Variants in SRGAP3 observed in about 807,000 individuals in gnomAD.
The protein encoded by SRGAP3 is SLIT-ROBO Rho GTPase activating protein 3, also known as SLIT-ROBO Rho GTPase-activating protein 3.
A neutral mutation model predicts 121.1 loss-of-function variants in SRGAP3; 39 were observed. The observed-to-expected ratio is 0.32, with a 90% CI of 0.25 to 0.42. The LOEUF is 0.42. Among genes scored for constraint, SRGAP3 ranks in the 10% least tolerant of loss-of-function variants. The pLI is 1.00. For synonymous variants in SRGAP3, 601 were observed against 570.0 expected (o/e 1.05, Z -0.77); for missense variants, 1,213 against 1,470.6 (o/e 0.82, Z 2.86).
intron 1 of SRGAP3, among the ~76,000 whole-genome samples, chr3:9,208,871 C>A (rs934920065): frequency 3.3e-5 from 5 of 152,204 alleles, no homozygotes; most frequent in Non-Finnish European, 5.9e-5. Flanking sequence ...AGCGTTATTG[C>A]AAGCATTAAC....
chr3:9,057,040 C>A (rs993088540), intron 7 of SRGAP3, among the ~76,000 whole-genome samples: 1 of 152,162 alleles, frequency 6.6e-6, no homozygotes, highest in South Asian at 2.1e-4. Context: ...TGCCACCATG[C>A]CCAGCTATTT....
intron 6 of SRGAP3, 198 bp downstream of exon 6, chr3:9,060,033 C>T (rs1056747307): frequency 3.0e-5 from 25 of 825,428 alleles, no homozygotes; most frequent in Non-Finnish European, 4.4e-5. Flanking sequence ...ATGTCCCACT[C>T]GTGAAAATAG....
intron 1 of SRGAP3, among the ~76,000 whole-genome samples, chr3:9,247,495 C>A (rs925607252): frequency 6.6e-6 from 1 of 152,142 alleles, no homozygotes; most frequent in African/African-American, 2.4e-5. Flanking sequence ...ATCCCTCCCC[C>A]CGTGGCTGCT....
intron 1 of SRGAP3, among the ~76,000 whole-genome samples, chr3:9,217,150 G>C (rs923915553): frequency 6.6e-6 from 1 of 152,100 alleles, no homozygotes; most frequent in Non-Finnish European, 1.5e-5. Context: ...AAACGGTTAA[G>C]ATAGTAAATT....
At chr3:9,254,772 A>G (rs1314456467) in intron 3 of SRGAP3, among the ~76,000 whole-genome samples, 2 of 145,966 alleles carry the variant, frequency 1.4e-5, no homozygotes, top group East Asian at 4.5e-4. Flanking sequence ...ACTGCACTCC[A>G]GCCTGGGCAA....
intron 1 of SRGAP3, among the ~76,000 whole-genome samples, chr3:9,354,681 C>CAAAAAAAAAA (rs34026081): frequency 1.4e-5 from 1 of 70,816 alleles, no homozygotes; most frequent in Non-Finnish European, 3.2e-5. Flanking sequence ...GACTCCATCT[C>CAAAAAAAAAA]AAAAAAAAAA....
chr3:9,021,827 C>T (rs535326311), intron 14 of SRGAP3, among the ~76,000 whole-genome samples: 3 of 152,220 alleles, frequency 2.0e-5, no homozygotes, highest in Non-Finnish European at 2.9e-5. Flanking sequence ...CAGTGGCTCA[C>T]GCCTGGAATC....
upstream of SRGAP3, among the ~76,000 whole-genome samples, chr3:9,253,000 G>A (rs1456842135): frequency 6.6e-6 from 1 of 152,162 alleles, no homozygotes; most frequent in Non-Finnish European, 1.5e-5. Context: ...TATACTGATA[G>A]CTAGTATTTA....
chr3:9,012,900 G>C (rs113852583), intron 17 of SRGAP3, among the ~76,000 whole-genome samples: 123 of 152,040 alleles, frequency 8.1e-4, no homozygotes, highest in African/African-American at 2.9e-3. Flanking sequence ...TTGAGTTGCT[G>C]GTTGCCTGCT....
At chr3:9,255,033 G>GA (rs1954102185) in intron 3 of SRGAP3, among the ~76,000 whole-genome samples, 1 of 102,444 alleles carries the variant, frequency 9.8e-6, no homozygotes, top group African/African-American at 3.3e-5. Context: ...AGAAAGAAAG[G>GA]AAGAAAGAAA....
intron 1 of SRGAP3, chr3:9,337,500 T>C (rs1196391313): frequency 6.6e-6 from 1 of 152,148 alleles, no homozygotes; most frequent in Non-Finnish European, 1.5e-5. Flanking sequence ...CCCTCATGAA[T>C]AGATTAATGC....
intron 1 of SRGAP3, among the ~76,000 whole-genome samples, chr3:9,203,402 A>G (rs574254838): frequency 6.6e-6 from 1 of 152,372 alleles, no homozygotes; most frequent in South Asian, 2.1e-4. Flanking sequence ...TGGGACAGTT[A>G]TCCTGAGAGT....
chr3:9,080,040 G>C lies in SRGAP3; in HGVS notation c.471C>G (p.Thr157=). ...CAGAACTTACTGTGTAGAGCTCATT[G>C]GTCACCTTCAGGAGCTCCTCGTGCA... ...LQMHEELLKV[T]NELYTVMKTY... Residue 157 remains threonine, a synonymous_variant, in exon 4 of 22, where the codon ACC becomes ACG. Coordinates refer to ENST00000383836, the MANE Select transcript of SRGAP3 (RefSeq NM_014850.4). 6.2e-7 allele frequency: 1 copy of C among 1,614,158 alleles called. No homozygotes were observed. Among genetic ancestry groups the C allele is most frequent in the Non-Finnish European group, 8.5e-7 (1 of 1,180,026 alleles).
intron 1 of SRGAP3, among the ~76,000 whole-genome samples, chr3:9,152,269 T>C (rs772364449): frequency 2.0e-5 from 3 of 152,204 alleles, no homozygotes; most frequent in Non-Finnish European, 2.9e-5. Context: ...TAGCCAGCCA[T>C]GTTGGCATAA....
At chr3:9,205,894 T>C (rs1290197682) in intron 1 of SRGAP3, among the ~76,000 whole-genome samples, 1 of 152,190 alleles carries the variant, frequency 6.6e-6, no homozygotes, top group Non-Finnish European at 1.5e-5. Context: ...AAACAGTGTA[T>C]GATTCTACTC....
chr3:9,299,898 C>CT (rs1383801729), intron 3 of SRGAP3, among the ~76,000 whole-genome samples: 2 of 151,994 alleles, frequency 1.3e-5, no homozygotes, highest in Non-Finnish European at 2.9e-5. Flanking sequence ...GAGTGAGACT[C>CT]TATCTCAAAA....
At chr3:9,105,080 C>T (rs922278743) in intron 2 of SRGAP3, among the ~76,000 whole-genome samples, 3 of 152,240 alleles carry the variant, frequency 2.0e-5, no homozygotes, top group African/African-American at 7.2e-5. Flanking sequence ...TCTACTCTAG[C>T]ACTGAATGTG....
chr3:9,051,862 G>A (rs1235301026), intron 9 of SRGAP3, among the ~76,000 whole-genome samples: 1 of 151,988 alleles, frequency 6.6e-6, no homozygotes, highest in Non-Finnish European at 1.5e-5. Flanking sequence ...ACAGGTGCAC[G>A]CCACCACACC....
intron 4 of SRGAP3, among the ~76,000 whole-genome samples, chr3:9,075,396 C>T (rs55935114): frequency 0.26 from 37,823 of 147,038 alleles, 5,843 homozygotes; most frequent in Middle Eastern, 0.36. Flanking sequence ...TGTGTGCGCG[C>T]GCACATATGT....
Sources: gnomAD v4.1 joint callset for allele counts (sites outside exome capture counted in the v4.1 genomes callset) on GRCh38, gnomAD v4.1.1 for gene constraint, MANE v1.5 for transcripts, NCBI Gene and HGNC (gene_info 2026-07-23, HGNC 2026-07-21) for gene names.